Variants in CAMK4 observed in about 807,000 individuals in gnomAD.
CAMK4 encodes the protein calcium/calmodulin-dependent protein kinase type IV.
CAMK4 carries 22 observed loss-of-function variants against 44.9 expected under a neutral mutation model. The ratio of observed to expected loss-of-function variants is 0.49; its 90% CI spans 0.35 to 0.70. CAMK4 has a LOEUF of 0.70. Among genes scored for constraint, CAMK4 ranks in the 30% least tolerant of loss-of-function variants. CAMK4 has a pLI of 0.01. For synonymous variants in CAMK4, 218 were observed against 215.4 expected (o/e 1.01, Z -0.11); for missense variants, 498 against 586.8 (o/e 0.85, Z 1.56).
rs12187046 is a variant in CAMK4, at chr5:111,328,393, T to G, written c.162-15631T>G. On this transcript the variant is annotated intron_variant, in intron 1 of 10. Coordinates refer to ENST00000282356, the MANE Select transcript of CAMK4 (RefSeq NM_001744.6). Reference sequence around the variant, plus strand: ...ATATCTCTGTTTTGGTACCAGTACCTTGCTGTTTTGGTTACTGTAACCTTG... The same window carrying G: ...ATATCTCTGTTTTGGTACCAGTACCGTGCTGTTTTGGTTACTGTAACCTTG... Among the ~76,000 whole-genome samples, 11 of 151,356 alleles carry G rather than the reference T, an allele frequency of 7.3e-5. 1 individual carries two copies. The highest frequency in any genetic ancestry group is 2.7e-4 in the African/African-American group (11 of 41,266).
Position 111,308,260 on chromosome 5 carries a change from A to T in CAMK4, c.162-35764A>T, listed in dbSNP as rs1431162674. ...AAACTTAGAGTATAATAAAAAAATA[A>T]AATAAAATAAATGTATCAAAACTAG... On this transcript the variant is annotated intron_variant, in intron 1 of 10. Transcript: ENST00000282356. Among the ~76,000 whole-genome samples, 36 of 151,796 alleles carry T rather than the reference A, an allele frequency of 2.4e-4. 1 individual carries two copies. Among genetic ancestry groups the T allele is most frequent in the South Asian group, 4.1e-4 (2 of 4,820 alleles).
At chr5:111,225,122 A>G (rs1415269771) in intron 1 of CAMK4, among the ~76,000 whole-genome samples, 1 of 152,192 alleles carries the variant, frequency 6.6e-6, no homozygotes, top group Non-Finnish European at 1.5e-5. Context: ...ATTAAACTTA[A>G]ATACTAGCTT....
intron 5 of CAMK4, among the ~76,000 whole-genome samples, chr5:111,423,910 A>G (rs1034977295): frequency 7.9e-5 from 12 of 152,200 alleles, no homozygotes; most frequent in African/African-American, 2.2e-4. Context: ...TCTTTACACC[A>G]ATAAGGCTAT....
At chr5:111,245,814 G>A (rs191190906) in intron 1 of CAMK4, among the ~76,000 whole-genome samples, 1 of 152,240 alleles carries the variant, frequency 6.6e-6, no homozygotes, top group African/African-American at 2.4e-5. Context: ...ACACAAAACT[G>A]TTGGGTGTGT....
At chr5:111,472,800 C>T (rs1192261866) in intron 7 of CAMK4, among the ~76,000 whole-genome samples, 2 of 152,144 alleles carry the variant, frequency 1.3e-5, no homozygotes, top group African/African-American at 4.8e-5. Flanking sequence ...CTAGCTCCTG[C>T]TGCAACCGTC....
At chr5:111,386,162 G>A (rs1292353191) in intron 4 of CAMK4, among the ~76,000 whole-genome samples, 2 of 152,166 alleles carry the variant, frequency 1.3e-5, no homozygotes, top group Non-Finnish European at 2.9e-5. Flanking sequence ...AGACAATGAT[G>A]TCATCAATAA....
chr5:111,369,061 T>G (rs912556051), intron 2 of CAMK4, among the ~76,000 whole-genome samples: 6 of 149,036 alleles, frequency 4.0e-5, no homozygotes, highest in South Asian at 2.1e-4. Flanking sequence ...AATATAATAA[T>G]AATAATTATT....
At chr5:111,300,030 G>T (rs1431111950) in intron 1 of CAMK4, among the ~76,000 whole-genome samples, 1 of 152,074 alleles carries the variant, frequency 6.6e-6, no homozygotes, top group Non-Finnish European at 1.5e-5. Flanking sequence ...TTCTAACTCA[G>T]TCTCTTTTTC....
intron 1 of CAMK4, among the ~76,000 whole-genome samples, chr5:111,281,825 G>A (rs549304226): frequency 6.6e-6 from 1 of 152,184 alleles, no homozygotes; most frequent in East Asian, 1.9e-4. Flanking sequence ...TTGGGAGGCC[G>A]AGGCGGGCGG....
chr5:111,361,813 A>T (rs1754252636), intron 2 of CAMK4, among the ~76,000 whole-genome samples: 1 of 152,072 alleles, frequency 6.6e-6, no homozygotes. Flanking sequence ...AGGCAGGAAG[A>T]TTATATTAGG....
intron 10 of CAMK4, among the ~76,000 whole-genome samples, chr5:111,483,770 C>T (rs948991142): frequency 2.6e-5 from 4 of 152,100 alleles, no homozygotes; most frequent in Non-Finnish European, 4.4e-5. Flanking sequence ...ATTGGTTAGC[C>T]ACAGGTAAAC....
intron 1 of CAMK4, among the ~76,000 whole-genome samples, chr5:111,308,796 A>G (rs990939524): frequency 2.0e-5 from 3 of 152,198 alleles, no homozygotes; most frequent in Non-Finnish European, 4.4e-5. Context: ...CTTAAAATGA[A>G]ACCCATTATT....
intron 2 of CAMK4, among the ~76,000 whole-genome samples, chr5:111,350,024 A>G (rs1750026514): frequency 6.6e-6 from 1 of 151,960 alleles, no homozygotes; most frequent in South Asian, 2.1e-4. Flanking sequence ...AAAAATTGCT[A>G]TGTAGTAGTG....
chr5:111,407,722 C>G (rs1281120328), intron 5 of CAMK4, among the ~76,000 whole-genome samples: 1 of 152,152 alleles, frequency 6.6e-6, no homozygotes. Context: ...ACAAGGAATT[C>G]TGCCACCCAC....
intron 1 of CAMK4, among the ~76,000 whole-genome samples, chr5:111,245,002 A>C (rs1281215630): frequency 1.3e-5 from 2 of 152,348 alleles, no homozygotes; most frequent in East Asian, 3.9e-4. Context: ...TATTGCTAGA[A>C]TATTTAGCAG....
At chr5:111,329,733 A>G (rs1376871311) in intron 1 of CAMK4, among the ~76,000 whole-genome samples, 2 of 151,770 alleles carry the variant, frequency 1.3e-5, no homozygotes, top group Non-Finnish European at 2.9e-5. Flanking sequence ...AAAATCATAC[A>G]GTCATCTCAA....
At chr5:111,407,566 A>T (rs371345868) in intron 5 of CAMK4, among the ~76,000 whole-genome samples, 1 of 152,152 alleles carries the variant, frequency 6.6e-6, no homozygotes, top group Non-Finnish European at 1.5e-5. Context: ...CCAAACAAGT[A>T]TATGTAGACC....
At chr5:111,454,708 A>G (rs1011943065) in intron 7 of CAMK4, among the ~76,000 whole-genome samples, 2 of 151,872 alleles carry the variant, frequency 1.3e-5, no homozygotes, top group Admixed American at 6.6e-5. Flanking sequence ...GTGCTACAAT[A>G]TAACTATACA....
intron 5 of CAMK4, among the ~76,000 whole-genome samples, chr5:111,423,150 C>T (rs150574545): frequency 1.3e-3 from 199 of 152,186 alleles, no homozygotes; most frequent in African/African-American, 4.6e-3. Flanking sequence ...TAAAGGAAAA[C>T]GAGGCTCCAA....
Sources: allele counts gnomAD v4.1 joint callset (sites outside exome capture counted in the v4.1 genomes callset), GRCh38; gene constraint gnomAD v4.1.1; transcripts MANE v1.5; gene names NCBI Gene and HGNC (gene_info 2026-07-23, HGNC 2026-07-21).